Variants in C8orf34 observed in about 807,000 individuals in gnomAD.
C8orf34 encodes the protein chromosome 8 open reading frame 34, also known as uncharacterized protein C8orf34.
A neutral mutation model predicts 68.3 loss-of-function variants in C8orf34; 65 were observed. The observed-to-expected ratio is 0.95, with a 90% CI of 0.78 to 1.17. The LOEUF (loss-of-function observed/expected upper bound fraction) is 1.17. C8orf34 is among the 50% of genes most tolerant of loss of function. The pLI is 0.00. For missense variants in C8orf34, 664 were observed against 655.4 expected, an observed-to-expected ratio of 1.01 and a Z score of -0.14; for synonymous variants, 244 against 241.2, an observed-to-expected ratio of 1.01 and a Z score of -0.11.
intron 7 of C8orf34, among the ~76,000 whole-genome samples, chr8:68,587,695 T>C (rs60643160): frequency 0.25 from 38,134 of 152,080 alleles, 6,977 homozygotes; most frequent in African/African-American, 0.52. Context: ...TTAATGCATA[T>C]TCCTTTATTC....
At chr8:68,681,897 G>A (rs1425714091) in intron 8 of C8orf34, among the ~76,000 whole-genome samples, 2 of 152,156 alleles carry the variant, frequency 1.3e-5, no homozygotes, top group African/African-American at 2.4e-5. Flanking sequence ...ACTATGTTAA[G>A]TGAGATAAGC....
At chr8:68,488,988 G>T (rs756157954) in intron 5 of C8orf34, among the ~76,000 whole-genome samples, 145 of 150,000 alleles carry the variant, frequency 9.7e-4, no homozygotes, top group Non-Finnish European at 1.8e-3. Flanking sequence ...ACGAATTTAC[G>T]TTTTTTTTTA....
chr8:68,772,644 C>T (rs1410676747), intron 10 of C8orf34, among the ~76,000 whole-genome samples: 1 of 152,170 alleles, frequency 6.6e-6, no homozygotes, highest in Admixed American at 6.5e-5. Context: ...AACCACATTT[C>T]AGAAAGGCCT....
rs530089900 is a variant in C8orf34, at chr8:68,486,983, G to A, written c.737-1040G>A. On this transcript the variant is annotated intron_variant, in intron 4 of 13. Coordinates refer to ENST00000518698, the MANE Select transcript of C8orf34 (RefSeq NM_052958.4). Reference sequence around the variant, plus strand: ...GAGAGCTGGCCACACCTGCTCCAGCGCCCTGCCACAGTGCTGAAGTTTAGC... The same window carrying A: ...GAGAGCTGGCCACACCTGCTCCAGCACCCTGCCACAGTGCTGAAGTTTAGC... Among the ~76,000 whole-genome samples, 143 of 152,250 alleles carry A rather than the reference G, an allele frequency of 9.4e-4. 3 individuals carry two copies. In the South Asian group the frequency reaches 0.016, roughly 17 times the overall value.
At chr8:68,443,869 G>A (rs1282382844) in intron 2 of C8orf34, among the ~76,000 whole-genome samples, 2 of 152,038 alleles carry the variant, frequency 1.3e-5, no homozygotes, top group Admixed American at 1.3e-4. Flanking sequence ...ATATTGTGGA[G>A]GAGAATCTTG....
chr8:68,470,798 A>G (rs548623724), intron 4 of C8orf34, among the ~76,000 whole-genome samples: 2 of 152,086 alleles, frequency 1.3e-5, no homozygotes, highest in Non-Finnish European at 2.9e-5. Flanking sequence ...TTATAAGGGC[A>G]GTAATCCCAA....
At chr8:68,345,508 T>C (rs1052340319) in intron 1 of C8orf34, among the ~76,000 whole-genome samples, 8 of 152,078 alleles carry the variant, frequency 5.3e-5, no homozygotes, top group Admixed American at 1.3e-4. Flanking sequence ...AGGAACTGAA[T>C]AACCAATTTA....
chr8:68,627,754 T>C (rs371962051), intron 7 of C8orf34, among the ~76,000 whole-genome samples: 1 of 152,162 alleles, frequency 6.6e-6, no homozygotes, highest in African/African-American at 2.4e-5. Flanking sequence ...ATTTAAATAA[T>C]GAGGGGTTCA....
intron 5 of C8orf34, among the ~76,000 whole-genome samples, chr8:68,499,948 T>A (rs960389322): frequency 1.3e-5 from 2 of 152,154 alleles, no homozygotes; most frequent in African/African-American, 4.8e-5. Context: ...ATGATGTTAG[T>A]TCTTGTTCAG....
At chr8:68,564,120 A>T (rs73683565) in intron 7 of C8orf34, among the ~76,000 whole-genome samples, 3,404 of 152,306 alleles carry the variant, frequency 0.022, 135 homozygotes, top group African/African-American at 0.074. Context: ...AGATATCTTT[A>T]TGCCCTAAAT....
intron 1 of C8orf34, among the ~76,000 whole-genome samples, chr8:68,434,842 C>T (rs530638194): frequency 2.0e-5 from 3 of 152,078 alleles, no homozygotes; most frequent in Admixed American, 2.0e-4. Context: ...GTCAGGAGTT[C>T]AAGACCAGCC....
chr8:68,353,853 A>C (rs1337185423), intron 1 of C8orf34, among the ~76,000 whole-genome samples: 3 of 151,892 alleles, frequency 2.0e-5, no homozygotes, highest in African/African-American at 4.8e-5. Flanking sequence ...GGTGATTAAA[A>C]GCATACAGGA....
chr8:68,383,569 C>T (rs1291193400), intron 1 of C8orf34, among the ~76,000 whole-genome samples: 1 of 152,178 alleles, frequency 6.6e-6, no homozygotes, highest in African/African-American at 2.4e-5. Flanking sequence ...GTTTCAGGTC[C>T]AGTATATACA....
At chr8:68,546,841 T>C in intron 7 of C8orf34, among the ~76,000 whole-genome samples, 1 of 151,426 alleles carries the variant, frequency 6.6e-6, no homozygotes. Context: ...AACAAATGGG[T>C]CAAAGAAAAA....
chr8:68,785,237 T>C (rs1241177137), intron 11 of C8orf34, among the ~76,000 whole-genome samples: 5 of 151,872 alleles, frequency 3.3e-5, no homozygotes, highest in African/African-American at 2.4e-5. Flanking sequence ...AATAAAGAAA[T>C]ACATATCAAC....
intron 8 of C8orf34, among the ~76,000 whole-genome samples, chr8:68,706,182 C>T (rs1821159447): frequency 6.6e-6 from 1 of 152,160 alleles, no homozygotes; most frequent in South Asian, 2.1e-4. Flanking sequence ...GATTATTGTT[C>T]AGTGGCACAT....
intron 10 of C8orf34, among the ~76,000 whole-genome samples, chr8:68,745,124 CA>C (rs1248755203): frequency 6.6e-6 from 1 of 151,906 alleles, no homozygotes; most frequent in South Asian, 2.1e-4. Context: ...ATTTCATATC[CA>C]GCCAAACTAA....
At chr8:68,700,120 C>A (rs568563923) in intron 8 of C8orf34, among the ~76,000 whole-genome samples, 2 of 152,154 alleles carry the variant, frequency 1.3e-5, no homozygotes, top group South Asian at 2.1e-4. Flanking sequence ...AATCAGGCCA[C>A]AGCAAGAGTG....
chr8:68,515,417 A>G (rs1432286363), intron 5 of C8orf34, among the ~76,000 whole-genome samples: 1 of 150,598 alleles, frequency 6.6e-6, no homozygotes, highest in Non-Finnish European at 1.5e-5. Context: ...TCTCATCTTC[A>G]CCACTTAAGT....
Sources: gnomAD v4.1 joint callset for allele counts (sites outside exome capture counted in the v4.1 genomes callset) on GRCh38, gnomAD v4.1.1 for gene constraint, MANE v1.5 for transcripts, NCBI Gene and HGNC (gene_info 2026-07-23, HGNC 2026-07-21) for gene names.